Variants in LRRC1 observed in about 807,000 individuals in gnomAD.
LRRC1 encodes leucine rich repeat containing 1.
In LRRC1, 28 loss-of-function variants were observed where a neutral mutation model predicts 69.9. That is an observed-to-expected ratio of 0.40 (90% confidence interval 0.30 to 0.55). The LOEUF (loss-of-function observed/expected upper bound fraction) is 0.55. Among genes scored for constraint, LRRC1 ranks in the 20% least tolerant of loss-of-function variants. The probability of loss-of-function intolerance (pLI) is 0.47; values close to 1 mark genes in which losing one functional copy is unlikely to be tolerated. For synonymous variants in LRRC1, 236 were observed against 240.2 expected, an observed-to-expected ratio of 0.98 and a Z score of 0.16; for missense variants, 498 against 609.0, an observed-to-expected ratio of 0.82 and a Z score of 1.92.
In LRRC1 at chr6:53,845,128, C is replaced by T. The variant is rs191951081; in HGVS notation, c.277+2901C>T. Among the ~76,000 whole-genome samples the T allele has an allele frequency of 6.6e-4, 101 of 152,260 alleles. 2 individuals carry two copies. The highest frequency in any genetic ancestry group is 2.2e-3 in the African/African-American group (90 of 41,548). On this transcript the variant is annotated intron_variant, in intron 2 of 13. Coordinates refer to ENST00000370888, the MANE Select transcript of LRRC1 (RefSeq NM_018214.5). ...CTGGGGCAGGAGAATCGCTTGAACC[C>T]GGGAGGTGGAGGTTGCAGTGAGGCA... is the stretch of plus-strand genomic sequence containing the variant.
intron 1 of LRRC1, among the ~76,000 whole-genome samples, chr6:53,839,650 G>A (rs983645445): frequency 6.6e-6 from 1 of 151,946 alleles, no homozygotes; most frequent in Admixed American, 6.5e-5. Context: ...GGAAGATGAG[G>A]CTTTAGTTCT....
At chr6:53,817,136 C>A (rs527867432) in intron 1 of LRRC1, among the ~76,000 whole-genome samples, 15 of 152,132 alleles carry the variant, frequency 9.9e-5, no homozygotes, top group Non-Finnish European at 2.1e-4. Flanking sequence ...TGTCTGATGA[C>A]CCACTTGCAT....
chr6:53,857,214 G>A (rs567058382), intron 2 of LRRC1, among the ~76,000 whole-genome samples: 64 of 152,306 alleles, frequency 4.2e-4, no homozygotes, highest in Non-Finnish European at 8.1e-4. Context: ...CAGTCAGGGA[G>A]AGGACATGGA....
At chr6:53,799,062 C>T (rs534264097) in intron 1 of LRRC1, among the ~76,000 whole-genome samples, 5 of 152,276 alleles carry the variant, frequency 3.3e-5, no homozygotes, top group Non-Finnish European at 7.4e-5. Context: ...ACCAATATAG[C>T]GCTTCATGTA....
chr6:53,817,101 G>C (rs1425746008), intron 1 of LRRC1, among the ~76,000 whole-genome samples: 2 of 152,078 alleles, frequency 1.3e-5, no homozygotes, highest in Admixed American at 1.3e-4. Flanking sequence ...TAAGATTACA[G>C]CCCCTAATTT....
intron 1 of LRRC1, among the ~76,000 whole-genome samples, chr6:53,798,771 A>G (rs1764377828): frequency 6.6e-6 from 1 of 152,250 alleles, no homozygotes; most frequent in East Asian, 1.9e-4. Context: ...ATGTTGCCGA[A>G]TCTTATAAAA....
Position 53,801,582 on chromosome 6 carries a change from A to G in LRRC1, c.159+6167A>G, listed in dbSNP as rs144178685. 4.9e-4 allele frequency among the ~76,000 whole-genome samples: 75 copies of G among 151,922 alleles called. 2 individuals are homozygous for G. In the East Asian group the frequency reaches 0.014, roughly 27 times the overall value. On this transcript the variant is annotated intron_variant, in intron 1 of 13. Coordinates refer to ENST00000370888, the MANE Select transcript of LRRC1 (RefSeq NM_018214.5). ...TCAGATACCCTGTTACTATCACACA[A>G]TTTAGCATTTAATTGTTTCCTGTGT...
At chr6:53,891,017 A>G (rs368314466) in intron 4 of LRRC1, among the ~76,000 whole-genome samples, 1 of 152,250 alleles carries the variant, frequency 6.6e-6, no homozygotes, top group Non-Finnish European at 1.5e-5. Flanking sequence ...TAAAGTAACC[A>G]TTCATCCAGT....
chr6:53,857,959 A>G (rs934482584), intron 2 of LRRC1, among the ~76,000 whole-genome samples: 6 of 152,236 alleles, frequency 3.9e-5, no homozygotes, highest in Non-Finnish European at 8.8e-5. Context: ...GAGGAATTTC[A>G]TAACACTCTG....
At chr6:53,883,959 C>T in intron 4 of LRRC1, 1 of 718,038 alleles carries the variant, frequency 1.4e-6, no homozygotes, top group Non-Finnish European at 2.6e-6. Context: ...AGGCAGAAGA[C>T]AACTAGCTGA....
intron 10 of LRRC1, among the ~76,000 whole-genome samples, chr6:53,910,955 G>C (rs1222896797): frequency 6.6e-6 from 1 of 152,246 alleles, no homozygotes; most frequent in Non-Finnish European, 1.5e-5. Flanking sequence ...GTGTTTATGT[G>C]AATGTTCGCT....
chr6:53,910,135 T>C (rs1768363847), intron 10 of LRRC1, among the ~76,000 whole-genome samples: 1 of 152,158 alleles, frequency 6.6e-6, no homozygotes, highest in Non-Finnish European at 1.5e-5. Flanking sequence ...GAGAGTATCA[T>C]TTTGAATTAA....
At chr6:53,866,986 G>A (rs894141126) in intron 2 of LRRC1, among the ~76,000 whole-genome samples, 3 of 151,674 alleles carry the variant, frequency 2.0e-5, no homozygotes, top group Admixed American at 2.0e-4. Context: ...TTGGCAGGTG[G>A]CACGCGTCTC....
At chr6:53,840,046 T>G (rs916220673) in intron 1 of LRRC1, among the ~76,000 whole-genome samples, 4 of 152,194 alleles carry the variant, frequency 2.6e-5, no homozygotes, top group Non-Finnish European at 4.4e-5. Context: ...TGGAATTCCC[T>G]TCATGATTTT....
chr6:53,822,812 T>C (rs1765152736), intron 1 of LRRC1, among the ~76,000 whole-genome samples: 1 of 152,212 alleles, frequency 6.6e-6, no homozygotes, highest in Non-Finnish European at 1.5e-5. Flanking sequence ...ATTCATTGTC[T>C]GTGACTGTTT....
chr6:53,828,220 T>C (rs542335704), intron 1 of LRRC1, among the ~76,000 whole-genome samples: 2 of 152,278 alleles, frequency 1.3e-5, no homozygotes, highest in South Asian at 4.1e-4. Flanking sequence ...AGCTTTCCTT[T>C]ATTTTCATAA....
At position 53,801,999 on chromosome 6, in the gene LRRC1, A is replaced by G. The variant is rs375798154; in HGVS notation, c.159+6584A>G. ...TGAGTCATAAAAAACTTACTTAAAA[A>G]GCTTAAAAGCCTTGTTCACGGTTAG... On this transcript the variant is annotated intron_variant, in intron 1 of 13. Coordinates refer to ENST00000370888, the MANE Select transcript of LRRC1 (RefSeq NM_018214.5). 3.0e-3 allele frequency among the ~76,000 whole-genome samples: 457 copies of G among 152,344 alleles called. 4 individuals are homozygous for G. Among genetic ancestry groups the G allele is most frequent in the African/African-American group, 0.01 (432 of 41,572 alleles).
intron 1 of LRRC1, among the ~76,000 whole-genome samples, chr6:53,826,782 T>C (rs1765268754): frequency 6.6e-6 from 1 of 152,178 alleles, no homozygotes; most frequent in South Asian, 2.1e-4. Flanking sequence ...TATCTGTATA[T>C]ATACTGTGGC....
chr6:53,915,704 A>T (rs1256315997), intron 11 of LRRC1, among the ~76,000 whole-genome samples: 1 of 152,192 alleles, frequency 6.6e-6, no homozygotes. Flanking sequence ...TTGGGCTGGG[A>T]TGGAGAAAAC....
Sources: allele counts gnomAD v4.1 joint callset (sites outside exome capture counted in the v4.1 genomes callset), GRCh38; gene constraint gnomAD v4.1.1; transcripts MANE v1.5; gene names NCBI Gene and HGNC (gene_info 2026-07-23, HGNC 2026-07-21).